The following PLEKHA1 variants were observed in gnomAD, a reference collection of about 807,000 sequenced individuals.
PLEKHA1 encodes the protein pleckstrin homology domain-containing family A member 1.
PLEKHA1 carries 34 observed loss-of-function variants against 52.0 expected under a neutral mutation model. The observed-to-expected ratio is 0.65, with a 90% CI of 0.50 to 0.87. PLEKHA1 has a LOEUF of 0.87. Ranked by LOEUF, PLEKHA1 falls within the 40% of genes least tolerant of loss-of-function variation. PLEKHA1 has a pLI of 0.00. For missense variants in PLEKHA1, 497 were observed against 504.2 expected, an observed-to-expected ratio of 0.99 and a Z score of 0.14; for synonymous variants, 163 against 170.7, an observed-to-expected ratio of 0.95 and a Z score of 0.35.
intron 1 of PLEKHA1, among the ~76,000 whole-genome samples, chr10:122,386,206 T>C (rs1264060508): frequency 6.6e-6 from 1 of 152,200 alleles, no homozygotes; most frequent in Non-Finnish European, 1.5e-5. Context: ...TAGTATCTTG[T>C]GGTTTTTATT....
chr10:122,376,511 T>G (rs767230559), intron 1 of PLEKHA1, among the ~76,000 whole-genome samples: 1,492 of 10,716 alleles, frequency 0.14, 33 homozygotes, highest in African/African-American at 0.28. Flanking sequence ...GATATATATA[T>G]ATATATATAT....
intron 2 of PLEKHA1, among the ~76,000 whole-genome samples, chr10:122,395,584 A>G (rs1048459023): frequency 6.6e-6 from 1 of 151,996 alleles, no homozygotes; most frequent in Non-Finnish European, 1.5e-5. Context: ...AGCCATTTTG[A>G]ATTACTAAAA....
At chr10:122,396,717 C>G (rs2096854005) in intron 2 of PLEKHA1, among the ~76,000 whole-genome samples, 1 of 151,984 alleles carries the variant, frequency 6.6e-6, no homozygotes, top group African/African-American at 2.4e-5. Context: ...TGTCTTATCT[C>G]CAGCAGAAAT....
intron 1 of PLEKHA1, among the ~76,000 whole-genome samples, chr10:122,390,261 T>A (rs889111316): frequency 1.3e-5 from 2 of 152,226 alleles, no homozygotes; most frequent in South Asian, 4.1e-4. Flanking sequence ...TGTAGCTAAT[T>A]TGATGTTCTG....
chr10:122,429,555 A>T (rs1170562223), intron 11 of PLEKHA1, 69 bp from the exon 12 acceptor site: 4 of 1,378,954 alleles, frequency 2.9e-6, no homozygotes, highest in Non-Finnish European at 4.0e-6. Flanking sequence ...CAGAGAATCA[A>T]GTCTCACACT....
At position 122,429,989 on chromosome 10, in the gene PLEKHA1, A is replaced by G. The variant is rs112601954; in HGVS notation, c.*51A>G. On this transcript the variant is annotated 3_prime_UTR_variant, in exon 12 of 12. Transcript: ENST00000368990. ...CCTCTGCCGTCCTCAGTTTCCTTTC[A>G]TGAGGCTTCTAGCCAAAGATGATAA... is the stretch of plus-strand genomic sequence containing the variant. The G allele has an allele frequency of 4.5e-6, 7 of 1,541,618 alleles. No individual in the cohort carries two copies. Among genetic ancestry groups the G allele is most frequent in the African/African-American group, 2.8e-5 (2 of 72,528 alleles).
chr10:122,417,182 C>G (rs1035611667), intron 7 of PLEKHA1: 5 of 152,022 alleles, frequency 3.3e-5, no homozygotes, highest in Non-Finnish European at 7.3e-5. Context: ...ATATTTAGTG[C>G]TTTACTACTA....
At position 122,429,844 on chromosome 10, in the gene PLEKHA1, C is replaced by A. The variant is rs1316323422; in HGVS notation, c.1121C>A (p.Ala374Asp). Residue 374 changes from alanine (A) to aspartate (D), a missense_variant, in exon 12 of 12, where the codon GCT becomes GAT. By Grantham distance (126) the Ala-to-Asp change is moderately radical (BLOSUM62 -2). Transcript: ENST00000368990. ...CCAGCTTCCAAAGTGACTGAACAAG[C>A]TCTGTTAAGACCTCAAAGTAAAAAT... ...REPASKVTEQ[A>D]LLRPQSKNGP... The A allele has an allele frequency of 6.2e-7, 1 of 1,614,158 alleles. No individual in the cohort carries two copies. Among genetic ancestry groups the A allele is most frequent in the Non-Finnish European group, 8.5e-7 (1 of 1,180,034 alleles).
chr10:122,422,791 G>A (rs1198638069), intron 8 of PLEKHA1: 2 of 152,138 alleles, frequency 1.3e-5, no homozygotes, highest in African/African-American at 4.8e-5. Flanking sequence ...TGAGTTTCCA[G>A]TTTTCATAAT....
intron 1 of PLEKHA1, among the ~76,000 whole-genome samples, chr10:122,379,695 C>CTCTATG (rs1285827975): frequency 6.6e-6 from 1 of 152,176 alleles, no homozygotes; most frequent in Non-Finnish European, 1.5e-5. Context: ...ATATTTGATC[C>CTCTATG]TCTATGTCTA....
At chr10:122,434,871 A>G (rs1402917088), downstream of PLEKHA1, 1 of 151,038 alleles carries the variant, frequency 6.6e-6, no homozygotes, top group East Asian at 1.9e-4. Context: ...TTCCAATTTC[A>G]TCCATGTCCC....
intron 2 of PLEKHA1, among the ~76,000 whole-genome samples, chr10:122,395,966 C>CTATTAG (rs2096843959): frequency 6.6e-6 from 1 of 151,962 alleles, no homozygotes; most frequent in Non-Finnish European, 1.5e-5. Context: ...CTTAAATGTT[C>CTATTAG]TATTAGTTTG....
chr10:122,382,337 C>T (rs967479307), intron 1 of PLEKHA1, among the ~76,000 whole-genome samples: 1 of 152,064 alleles, frequency 6.6e-6, no homozygotes. Flanking sequence ...ATAGATTTGC[C>T]CATTCTGCAT....
At chr10:122,397,298 C>G (rs1421015070) in intron 2 of PLEKHA1, among the ~76,000 whole-genome samples, 1 of 152,054 alleles carries the variant, frequency 6.6e-6, no homozygotes, top group African/African-American at 2.4e-5. Context: ...TCTATGTTTA[C>G]CTTTAGCTCT....
chr10:122,377,987 A>AG (rs2096561624), intron 1 of PLEKHA1, among the ~76,000 whole-genome samples: 1 of 152,016 alleles, frequency 6.6e-6, no homozygotes, highest in South Asian at 2.1e-4. Context: ...CCTACATGGA[A>AG]CTCTTACCAG....
chr10:122,397,350 A>G (rs1013096437), intron 2 of PLEKHA1, among the ~76,000 whole-genome samples: 1 of 152,074 alleles, frequency 6.6e-6, no homozygotes, highest in Admixed American at 6.6e-5. Context: ...AAGAATGAAA[A>G]TACTGTGTGT....
intron 8 of PLEKHA1, chr10:122,420,258 T>A (rs2097240412): frequency 6.6e-6 from 1 of 152,258 alleles, no homozygotes; most frequent in South Asian, 2.1e-4. Context: ...CCAGTTTATC[T>A]TGTCTATATT....
chr10:122,431,869 G>A lies in PLEKHA1; in HGVS notation c.*1931G>A, dbSNP rs1184793730. On this transcript the variant is annotated 3_prime_UTR_variant, in exon 12 of 12. Transcript: ENST00000368990. ...AAGTTCCTTTTTCATGAACACACCC[G>A]AGAAATCTTAAATAGACACTTTGCA... is the stretch of plus-strand genomic sequence containing the variant. 1.3e-5 allele frequency: 2 copies of A among 151,752 alleles called. No individual in the cohort carries two copies. The highest frequency in any genetic ancestry group is 2.9e-5 in the Non-Finnish European group (2 of 67,962). The allele number at this position is 151,752 out of a possible 1,614,324, so 9.4% of individuals were successfully genotyped here.
At chr10:122,376,820 A>C (rs2096545032) in intron 1 of PLEKHA1, among the ~76,000 whole-genome samples, 1 of 152,244 alleles carries the variant, frequency 6.6e-6, no homozygotes, top group African/African-American at 2.4e-5. Flanking sequence ...TAAGGATGTT[A>C]AGAATAGCAT....
Sources: allele counts gnomAD v4.1 joint callset (sites outside exome capture counted in the v4.1 genomes callset), GRCh38; gene constraint gnomAD v4.1.1; transcripts MANE v1.5; gene names NCBI Gene and HGNC (gene_info 2026-07-23, HGNC 2026-07-21).